The following TMEM71 variants were observed in gnomAD, a reference collection of about 807,000 sequenced individuals.
TMEM71 encodes transmembrane protein 71.
TMEM71 carries 44 observed loss-of-function variants against 38.0 expected under a neutral mutation model. The ratio of observed to expected loss-of-function variants is 1.16; its 90% CI spans 0.91 to 1.49. The LOEUF is 1.49. Among genes scored for constraint, TMEM71 ranks in the 40% most tolerant of loss-of-function variants. TMEM71 has a pLI of 0.00. For missense variants in TMEM71, 367 were observed against 348.6 expected, an observed-to-expected ratio of 1.05 and a Z score of -0.42; for synonymous variants, 133 against 122.5, an observed-to-expected ratio of 1.09 and a Z score of -0.56.
chr8:132,742,127 T>C (rs993685658), intron 5 of TMEM71, among the ~76,000 whole-genome samples: 1 of 152,256 alleles, frequency 6.6e-6, no homozygotes, highest in Non-Finnish European at 1.5e-5. Context: ...GTTATGACTA[T>C]AGAGCAAGGA....
chr8:132,763,364 T>G (rs896326624), upstream of TMEM71, among the ~76,000 whole-genome samples: 1 of 152,222 alleles, frequency 6.6e-6, no homozygotes, highest in African/African-American at 2.4e-5. Flanking sequence ...ATATAGTAGG[T>G]TATCAATTAA....
intron 3 of TMEM71, among the ~76,000 whole-genome samples, chr8:132,753,568 G>A (rs548474572): frequency 2.6e-4 from 40 of 152,144 alleles, no homozygotes; most frequent in Non-Finnish European, 1.2e-4. Context: ...CACACCTTCA[G>A]TAAGAAGGAC....
In TMEM71 at chr8:132,710,832, A is replaced by G. The variant is rs895151026; in HGVS notation, c.*135T>C. Reference sequence around the variant, plus strand: ...GAGATCATTTTAAAATCACATAGTCAAACTAAAATGGCTTTTTCTCCATTA... The same window carrying G: ...GAGATCATTTTAAAATCACATAGTCGAACTAAAATGGCTTTTTCTCCATTA... On this transcript the variant is annotated 3_prime_UTR_variant, in exon 10 of 10. Transcript: ENST00000677595. 1 of 780,748 alleles carries G rather than the reference A, an allele frequency of 1.3e-6. No individual in the cohort carries two copies. Among genetic ancestry groups the G allele is most frequent in the Admixed American group, 2.2e-5 (1 of 44,942 alleles). 48.4% of individuals were successfully genotyped at this position (780,748 alleles called of 1,614,324 possible).
intron 5 of TMEM71, among the ~76,000 whole-genome samples, chr8:132,745,174 A>G (rs986878049): frequency 6.6e-6 from 1 of 152,188 alleles, no homozygotes; most frequent in African/African-American, 2.4e-5. Flanking sequence ...AAATTGACAA[A>G]TAGAACCTAA....
At chr8:132,706,868 T>C (rs147125418), downstream of TMEM71, among the ~76,000 whole-genome samples, 345 of 152,256 alleles carry the variant, frequency 2.3e-3, 1 homozygote, top group Middle Eastern at 6.8e-3. Context: ...CAGAAATGGC[T>C]GCTGACAACA....
intron 7 of TMEM71, among the ~76,000 whole-genome samples, chr8:132,714,930 T>C (rs1826422634): frequency 6.6e-6 from 1 of 151,982 alleles, no homozygotes; most frequent in Non-Finnish European, 1.5e-5. Context: ...CACCAAAGAA[T>C]ATATACAAAT....
At chr8:132,709,873 G>A (rs538818866), downstream of TMEM71, 27 of 151,872 alleles carry the variant, frequency 1.8e-4, no homozygotes, top group African/African-American at 6.5e-4. Context: ...AGTCTTCAAT[G>A]AATGATGTTC....
At chr8:132,743,706 CTTTAA>C (rs1828180539) in intron 5 of TMEM71, among the ~76,000 whole-genome samples, 2 of 152,176 alleles carry the variant, frequency 1.3e-5, no homozygotes, top group African/African-American at 4.8e-5. Context: ...AGATGTATAA[CTTTAA>C]CTCAGATTCC....
chr8:132,736,504 G>T (rs1827754165), intron 5 of TMEM71, among the ~76,000 whole-genome samples: 2 of 152,132 alleles, frequency 1.3e-5, no homozygotes, highest in Admixed American at 6.5e-5. Flanking sequence ...ATGGTGACTA[G>T]AGTTAATAAT....
chr8:132,746,943 A>G lies in TMEM71; in HGVS notation c.486T>C (p.Asn162=), dbSNP rs995151363. The G allele has an allele frequency of 1.3e-6, 2 of 1,586,706 alleles. No individual in the cohort carries two copies. The highest frequency in any genetic ancestry group is 3.7e-5 in the Admixed American group (2 of 53,450). The change falls in exon 5 of 10, where the codon AAT becomes AAC. Residue 162 remains asparagine, a splice_region_variant and synonymous_variant. Transcript: ENST00000677595. ...RRLDTDHCNG[N]ADDLDCSSLT... is the part of the protein sequence containing the mutation. ...ATGGAAAGGAGGACTCAAACTCACC[A>G]TTTCCATTGCAATGGTCTGTGTCCA...
At chr8:132,756,428 T>TATATATATATATATATAC (rs1829020070) in intron 3 of TMEM71, among the ~76,000 whole-genome samples, 1 of 144,188 alleles carries the variant, frequency 6.9e-6, no homozygotes, top group African/African-American at 2.6e-5. Context: ...TATATATATA[T>TATATATATATATATATAC]ATATATATAT....
intron 5 of TMEM71, among the ~76,000 whole-genome samples, chr8:132,738,655 G>T (rs1230074379): frequency 1.3e-5 from 2 of 152,160 alleles, no homozygotes; most frequent in Non-Finnish European, 2.9e-5. Flanking sequence ...TGGCATAAAA[G>T]GTTCTTCAAA....
chr8:132,751,757 A>T (rs533662110), intron 4 of TMEM71, 28 bp downstream of exon 4: 1 of 1,595,452 alleles, frequency 6.3e-7, no homozygotes, highest in South Asian at 1.1e-5. Context: ...TGGACTTCAG[A>T]TTTCTTTCTG....
At chr8:132,747,491 A>G (rs964699484) in intron 4 of TMEM71, among the ~76,000 whole-genome samples, 1 of 152,222 alleles carries the variant, frequency 6.6e-6, no homozygotes, top group Middle Eastern at 3.2e-3. Context: ...CATTTTTCTG[A>G]TCAGGAAACT....
chr8:132,752,766 G>T (rs1828785036), intron 3 of TMEM71, among the ~76,000 whole-genome samples: 1 of 142,944 alleles, frequency 7.0e-6, no homozygotes, highest in East Asian at 2.0e-4. Flanking sequence ...AGAAGAGAGA[G>T]AGAGAAAAAA....
intron 1 of TMEM71, among the ~76,000 whole-genome samples, chr8:132,759,825 C>T (rs2131219832): frequency 1.3e-5 from 2 of 152,108 alleles, no homozygotes; most frequent in South Asian, 4.1e-4. Context: ...ATATATAAAC[C>T]CTATTAGGAA....
chr8:132,722,223 A>AT, intron 6 of TMEM71, 108 bp from the exon 7 acceptor site: 1 of 836,594 alleles, frequency 1.2e-6, no homozygotes, highest in African/African-American at 1.7e-5. Context: ...AAAAAAAAAA[A>AT]GTTTTGGAAT....
Position 132,711,001 on chromosome 8 carries a change from A to G in TMEM71, c.873-19T>C, listed in dbSNP as rs764324515. 1.2e-6 allele frequency: 2 copies of G among 1,605,912 alleles called. No homozygotes were observed. Among genetic ancestry groups the G allele is most frequent in the South Asian group, 1.1e-5 (1 of 89,984 alleles). On this transcript the variant is annotated intron_variant, in intron 9 of 9. Transcript: ENST00000677595. ...GACAAACCTAGATTGGAGAAATAAG[A>G]AAAGAAATGCATAATTCATCCCCAT... is the stretch of plus-strand genomic sequence containing the variant.
intron 5 of TMEM71, among the ~76,000 whole-genome samples, chr8:132,741,125 G>A (rs772777543): frequency 8.1e-4 from 124 of 152,320 alleles, no homozygotes; most frequent in Non-Finnish European, 1.4e-3. Flanking sequence ...AGCACTTTGG[G>A]AGGCTGAGGC....
Sources: allele counts gnomAD v4.1 joint callset (sites outside exome capture counted in the v4.1 genomes callset), GRCh38; gene constraint gnomAD v4.1.1; transcripts MANE v1.5; gene names NCBI Gene and HGNC (gene_info 2026-07-23, HGNC 2026-07-21).